PIBF1: variants seen among roughly 807,000 people sequenced by gnomAD.
The protein encoded by PIBF1 is progesterone-induced-blocking factor 1.
Under a neutral mutation model 112.5 loss-of-function variants are expected in PIBF1, and 90 were observed. That is an observed-to-expected ratio of 0.80 (90% confidence interval 0.67 to 0.95). The LOEUF is 0.95. Ranked by LOEUF, PIBF1 falls within the 40% of genes least tolerant of loss-of-function variation. The probability of loss-of-function intolerance (pLI) is 0.00; values close to 1 mark genes in which losing one functional copy is unlikely to be tolerated. For synonymous variants in PIBF1, 301 were observed against 288.6 expected, an observed-to-expected ratio of 1.04 and a Z score of -0.44; for missense variants, 915 against 852.3, an observed-to-expected ratio of 1.07 and a Z score of -0.92.
At chr13:72,952,579 A>G (rs1683291593) in intron 14 of PIBF1, among the ~76,000 whole-genome samples, 1 of 148,150 alleles carries the variant, frequency 6.7e-6, no homozygotes, top group South Asian at 2.1e-4. Flanking sequence ...TTATTGGGGT[A>G]GACTATTTTG....
intron 14 of PIBF1, among the ~76,000 whole-genome samples, chr13:72,937,444 C>T (rs2041900617): frequency 6.6e-6 from 1 of 152,114 alleles, no homozygotes; most frequent in Admixed American, 6.6e-5. Context: ...TTTGTTCCCC[C>T]AGCCTTTGTG....
At chr13:72,804,841 T>A (rs1216226195) in intron 5 of PIBF1, among the ~76,000 whole-genome samples, 2 of 152,192 alleles carry the variant, frequency 1.3e-5, no homozygotes, top group Non-Finnish European at 2.9e-5. Context: ...GTACACTGAT[T>A]CTGTTTTCCT....
In PIBF1 at chr13:72,828,850, A is replaced by C. The variant is rs146926500; in HGVS notation, c.1097+936A>C. On this transcript the variant is annotated intron_variant, in intron 8 of 17. Transcript: ENST00000326291. The stretch of plus-strand genomic sequence containing the variant: ...TATTTCTAGTTCTAGATCCTTGAGG[A>C]ATTGCCACACTGTCTTCCACAATGG... 9.2e-3 allele frequency among the ~76,000 whole-genome samples: 1,399 copies of C among 152,276 alleles called. 8 individuals carry two copies. Among genetic ancestry groups the C allele is most frequent in the South Asian group, 0.041 (198 of 4,824 alleles).
intron 9 of PIBF1, among the ~76,000 whole-genome samples, chr13:72,847,404 C>T (rs748449924): frequency 6.6e-6 from 1 of 152,154 alleles, no homozygotes; most frequent in Non-Finnish European, 1.5e-5. Context: ...TGGCATCTGG[C>T]AAGAGCCTTC....
At chr13:72,833,075 G>T (rs909440846) in intron 8 of PIBF1, among the ~76,000 whole-genome samples, 1 of 152,116 alleles carries the variant, frequency 6.6e-6, no homozygotes, top group South Asian at 2.1e-4. Flanking sequence ...TGAAACTTGT[G>T]TATGCTTCTT....
At chr13:72,813,133 C>G (rs1372728946) in intron 5 of PIBF1, among the ~76,000 whole-genome samples, 2 of 151,986 alleles carry the variant, frequency 1.3e-5, no homozygotes, top group African/African-American at 4.8e-5. Flanking sequence ...ATAGTCATGC[C>G]AAACTCAAAG....
chr13:72,871,151 G>A (rs2039146006), intron 10 of PIBF1, among the ~76,000 whole-genome samples: 1 of 152,128 alleles, frequency 6.6e-6, no homozygotes, highest in African/African-American at 2.4e-5. Flanking sequence ...CAACTTGGAC[G>A]TGATGGGTGG....
intron 14 of PIBF1, among the ~76,000 whole-genome samples, chr13:72,954,432 C>G (rs2042384950): frequency 6.6e-6 from 1 of 152,236 alleles, no homozygotes; most frequent in South Asian, 2.1e-4. Flanking sequence ...TATTGCGAAT[C>G]TCAGGAGCTC....
At chr13:72,905,327 A>G (rs1238253627) in intron 11 of PIBF1, among the ~76,000 whole-genome samples, 47 of 152,064 alleles carry the variant, frequency 3.1e-4, no homozygotes, top group Admixed American at 3.1e-3. Context: ...CAGCCTCCCA[A>G]AGTGCTGGGA....
At chr13:72,898,011 T>C (rs1397164913) in intron 11 of PIBF1, among the ~76,000 whole-genome samples, 1 of 152,028 alleles carries the variant, frequency 6.6e-6, no homozygotes, top group Non-Finnish European at 1.5e-5. Context: ...AGAATACACA[T>C]CCTATTCAAC....
chr13:72,941,675 T>C (rs1203212910), intron 14 of PIBF1, among the ~76,000 whole-genome samples: 1 of 152,154 alleles, frequency 6.6e-6, no homozygotes, highest in Non-Finnish European at 1.5e-5. Context: ...TACCTGGAAT[T>C]TTGTACCTAG....
intron 17 of PIBF1, among the ~76,000 whole-genome samples, chr13:73,012,490 G>C (rs1378171589): frequency 1.3e-5 from 2 of 151,752 alleles, no homozygotes; most frequent in African/African-American, 4.8e-5. Context: ...CTTTGGGAGT[G>C]TGAGAGGATC....
chr13:72,888,637 A>G (rs1320785973), intron 10 of PIBF1, among the ~76,000 whole-genome samples: 3 of 152,162 alleles, frequency 2.0e-5, no homozygotes, highest in Non-Finnish European at 4.4e-5. Context: ...AATTAATTAA[A>G]TGATTATGTC....
intron 11 of PIBF1, among the ~76,000 whole-genome samples, chr13:72,902,006 A>ATGTGTGTGTGTGTGTGTGTGTG (rs137877705): frequency 0.029 from 4,236 of 147,900 alleles, 198 homozygotes; most frequent in African/African-American, 0.091. Context: ...GTGTATGTAT[A>ATGTGTGTGTGTGTGTGTGTGTG]TGTGTGTGTG....
In PIBF1 at chr13:72,874,694, A is replaced by ACAC. The variant is rs144137552; in HGVS notation, c.1323-19089_1323-19087dup. ...CAGTTGTTGAAACTTATGAACTTGCACACTTAAAATTAGTTAATTTTGTAG... is the reference window on the plus strand; with the variant it reads ...CAGTTGTTGAAACTTATGAACTTGCACACCACTTAAAATTAGTTAATTTTGTAG... On this transcript the variant is annotated intron_variant, in intron 10 of 17. Transcript: ENST00000326291. Among the ~76,000 whole-genome samples, 356 of 152,308 alleles carry ACAC rather than the reference A, an allele frequency of 2.3e-3. 12 individuals are homozygous for ACAC. In the East Asian group the frequency reaches 0.055, roughly 23 times the overall value.
intron 12 of PIBF1, among the ~76,000 whole-genome samples, chr13:72,910,384 C>T (rs1374474390): frequency 1.3e-5 from 2 of 152,076 alleles, no homozygotes; most frequent in African/African-American, 2.4e-5. Flanking sequence ...TTGCCATTCC[C>T]CTCCATATCA....
At chr13:72,847,810 A>G (rs2138281639) in intron 9 of PIBF1, among the ~76,000 whole-genome samples, 1 of 152,352 alleles carries the variant, frequency 6.6e-6, no homozygotes, top group East Asian at 1.9e-4. Context: ...ATTGAATAGA[A>G]ACAAGATAAT....
At chr13:72,902,351 C>A (rs1190852880) in intron 11 of PIBF1, among the ~76,000 whole-genome samples, 2 of 151,294 alleles carry the variant, frequency 1.3e-5, no homozygotes, top group Non-Finnish European at 2.9e-5. Context: ...ACTTGTGTAA[C>A]CAAATACCAC....
intron 12 of PIBF1, among the ~76,000 whole-genome samples, chr13:72,912,359 A>T (rs1478771849): frequency 6.6e-6 from 1 of 152,220 alleles, no homozygotes; most frequent in Non-Finnish European, 1.5e-5. Context: ...TGTTTAAAAC[A>T]TGGGCAAAAG....
Sources: gnomAD v4.1 joint callset for allele counts (sites outside exome capture counted in the v4.1 genomes callset) on GRCh38, gnomAD v4.1.1 for gene constraint, MANE v1.5 for transcripts, NCBI Gene and HGNC (gene_info 2026-07-23, HGNC 2026-07-21) for gene names.